Variants in PCDH15 observed in about 807,000 individuals in gnomAD.
The protein encoded by PCDH15 is protocadherin-15.
A neutral mutation model predicts 178.5 loss-of-function variants in PCDH15; 129 were observed. The observed-to-expected ratio is 0.72, with a 90% CI of 0.63 to 0.84. PCDH15 has a LOEUF of 0.84. Among genes scored for constraint, PCDH15 ranks in the 40% least tolerant of loss-of-function variants. The pLI is 0.00. For synonymous variants in PCDH15, 800 were observed against 732.0 expected, an observed-to-expected ratio of 1.09 and a Z score of -1.50; for missense variants, 2,230 against 2,099.9, an observed-to-expected ratio of 1.06 and a Z score of -1.21.
intron 3 of PCDH15, among the ~76,000 whole-genome samples, chr10:54,380,119 C>G (rs1306376471): frequency 2.0e-5 from 3 of 151,940 alleles, no homozygotes; most frequent in Non-Finnish European, 4.4e-5. Context: ...CTTTATCATA[C>G]TACTACTACC....
intron 3 of PCDH15, among the ~76,000 whole-genome samples, chr10:54,421,696 ACAC>A (rs1955384864): frequency 1.0e-5 from 1 of 98,240 alleles, no homozygotes; most frequent in Admixed American, 8.9e-5. Context: ...ATATATATAC[ACAC>A]ACACACACAC....
intron 3 of PCDH15, among the ~76,000 whole-genome samples, chr10:54,526,905 C>T (rs879821920): frequency 3.3e-5 from 5 of 151,980 alleles, no homozygotes; most frequent in Non-Finnish European, 7.4e-5. Context: ...TACATGTACG[C>T]GTGTAGATTG....
chr10:55,449,855 T>G (rs1839396003), intron 2 of PCDH15, among the ~76,000 whole-genome samples: 2 of 152,088 alleles, frequency 1.3e-5, no homozygotes, highest in South Asian at 4.1e-4. Flanking sequence ...TGTTCAGTTG[T>G]GCCAGAAGAA....
At chr10:55,295,279 CA>C (rs1843104556) in intron 1 of PCDH15, among the ~76,000 whole-genome samples, 1 of 152,128 alleles carries the variant, frequency 6.6e-6, no homozygotes, top group African/African-American at 2.4e-5. Flanking sequence ...ACATCAAAAG[CA>C]AAACCAGTTT....
chr10:54,298,945 A>G (rs1021635886), intron 8 of PCDH15, among the ~76,000 whole-genome samples: 2 of 152,238 alleles, frequency 1.3e-5, no homozygotes, highest in Non-Finnish European at 2.9e-5. Flanking sequence ...CCCATGCTGC[A>G]ATATGGAAAG....
At chr10:55,343,828 T>G (rs1246847292) in intron 2 of PCDH15, among the ~76,000 whole-genome samples, 2 of 152,100 alleles carry the variant, frequency 1.3e-5, no homozygotes, top group African/African-American at 4.8e-5. Context: ...GCATGTTCTA[T>G]GCACAGTCAA....
chr10:54,230,959 A>T (rs1376927330), intron 9 of PCDH15, among the ~76,000 whole-genome samples: 1 of 152,210 alleles, frequency 6.6e-6, no homozygotes, highest in Non-Finnish European at 1.5e-5. Context: ...TACACATTGT[A>T]TGATATCATT....
intron 1 of PCDH15, among the ~76,000 whole-genome samples, chr10:54,749,832 T>A (rs1345708538): frequency 6.6e-6 from 1 of 152,116 alleles, no homozygotes; most frequent in Non-Finnish European, 1.5e-5. Context: ...TCTTGAGCAA[T>A]TGTTGACTAC....
intron 1 of PCDH15, among the ~76,000 whole-genome samples, chr10:55,171,032 T>A (rs1233746680): frequency 6.6e-6 from 1 of 152,204 alleles, no homozygotes; most frequent in Non-Finnish European, 1.5e-5. Flanking sequence ...TTTCTCCATC[T>A]CTCAATAATA....
At position 53,968,347 on chromosome 10, in the gene PCDH15, G is replaced by A. The variant is rs183490306; in HGVS notation, c.2869-6455C>T. Among the ~76,000 whole-genome samples the A allele has an allele frequency of 5.1e-3, 778 of 152,280 alleles. 7 individuals carry two copies. Among genetic ancestry groups the A allele is most frequent in the African/African-American group, 0.017 (727 of 41,556 alleles). On this transcript the variant is annotated intron_variant, in intron 21 of 37. Transcript: ENST00000644397. ...TGAGGCTTGAGTAGGTAAACAAAGT[G>A]GACAGGAAGCTCGAACCGGGTGGAG... is the stretch of plus-strand genomic sequence containing the variant.
chr10:54,881,093 A>C (rs1912984), intron 3 of PCDH15, among the ~76,000 whole-genome samples: 4 of 151,890 alleles, frequency 2.6e-5, no homozygotes, highest in African/African-American at 7.3e-5. Flanking sequence ...CTGACTTTTA[A>C]AGGGCACTTA....
chr10:53,888,310 GTATATATGTACGTA>G (rs1221791628), intron 26 of PCDH15, among the ~76,000 whole-genome samples: 1 of 28,712 alleles, frequency 3.5e-5, no homozygotes, highest in Non-Finnish European at 7.9e-5. Context: ...ATATATATAT[GTATATATGTACGTA>G]TATATATGTA....
intron 3 of PCDH15, among the ~76,000 whole-genome samples, chr10:54,858,580 A>G (rs542396500): frequency 8.5e-4 from 129 of 152,122 alleles, no homozygotes; most frequent in Non-Finnish European, 1.3e-3. Context: ...ATTGCATGGG[A>G]GTGCTTCTTT....
Position 54,649,538 on chromosome 10 carries a change from A to G in PCDH15, c.91+14634T>C, listed in dbSNP as rs558744268. ...ATGCCTAAGCTGAAGAGCTCTCATC[A>G]GTATTCCAATTTTTCAATGAAGAAC... is the stretch of plus-strand genomic sequence containing the variant. On this transcript the variant is annotated intron_variant, in intron 2 of 37. Transcript: ENST00000644397. 6.6e-5 allele frequency among the ~76,000 whole-genome samples: 10 copies of G among 152,258 alleles called. No homozygotes were observed. The South Asian group carries it at 2.1e-3, about 32-fold the overall frequency.
At chr10:55,100,589 G>C (rs1293782332) in intron 2 of PCDH15, among the ~76,000 whole-genome samples, 1 of 152,154 alleles carries the variant, frequency 6.6e-6, no homozygotes, top group Non-Finnish European at 1.5e-5. Context: ...GGGAGCTACT[G>C]TGTGCAGAGA....
intron 2 of PCDH15, among the ~76,000 whole-genome samples, chr10:55,454,422 C>T (rs376397717): frequency 6.6e-6 from 1 of 151,834 alleles, no homozygotes; most frequent in Admixed American, 6.6e-5. Context: ...TAAAAAAAAT[C>T]GAATTGTAAT....
At position 54,000,282 on chromosome 10, in the gene PCDH15, C is replaced by T. The variant is rs570876834; in HGVS notation, c.2752-4517G>A. Among the ~76,000 whole-genome samples, 4 of 152,162 alleles carry T rather than the reference C, an allele frequency of 2.6e-5. No individual in the cohort carries two copies. In the East Asian group the frequency reaches 7.8e-4, roughly 30 times the overall value. ...GCTTAAATGCCCAGACACAGACAAA[C>T]ATCCACAAGCATCAATATCATCCAG... On this transcript the variant is annotated intron_variant, in intron 20 of 37. Coordinates refer to ENST00000644397, the MANE Select transcript of PCDH15 (RefSeq NM_001384140.1).
intron 2 of PCDH15, among the ~76,000 whole-genome samples, chr10:55,060,443 G>T (rs1018992746): frequency 1.3e-5 from 2 of 151,960 alleles, no homozygotes; most frequent in African/African-American, 4.8e-5. Flanking sequence ...TCTCTAAATT[G>T]AAAGGAAAAC....
chr10:54,552,586 A>G (rs1220470496), intron 2 of PCDH15, among the ~76,000 whole-genome samples: 1 of 152,120 alleles, frequency 6.6e-6, no homozygotes, highest in African/African-American at 2.4e-5. Flanking sequence ...CTTACACTTT[A>G]TGTCTCAGCT....
Sources: allele counts gnomAD v4.1 joint callset (sites outside exome capture counted in the v4.1 genomes callset), GRCh38; gene constraint gnomAD v4.1.1; transcripts MANE v1.5; gene names NCBI Gene and HGNC (gene_info 2026-07-23, HGNC 2026-07-21).